The following RGS6 variants were observed in gnomAD, a reference collection of about 807,000 sequenced individuals.
The protein encoded by RGS6 is regulator of G-protein signaling 6.
A neutral mutation model predicts 78.5 loss-of-function variants in RGS6; 30 were observed. The observed-to-expected ratio is 0.38, with a 90% CI of 0.29 to 0.52. The LOEUF (loss-of-function observed/expected upper bound fraction) is 0.52, where lower values mean the gene tolerates loss of function less well. Among genes scored for constraint, RGS6 ranks in the 20% least tolerant of loss-of-function variants. The pLI is 0.85. For missense variants in RGS6, 495 were observed against 609.7 expected (o/e 0.81, Z 1.98); for synonymous variants, 206 against 206.0 (o/e 1.00, Z 0.00).
intron 2 of RGS6, among the ~76,000 whole-genome samples, chr14:72,073,832 C>G (rs940048660): frequency 3.3e-5 from 5 of 151,874 alleles, no homozygotes; most frequent in Non-Finnish European, 7.4e-5. Flanking sequence ...ACAAAATAGT[C>G]CTTTACTGTG....
At chr14:72,187,963 CCTCATA>C (rs760786976) in intron 2 of RGS6, among the ~76,000 whole-genome samples, 19 of 152,146 alleles carry the variant, frequency 1.2e-4, no homozygotes, top group Non-Finnish European at 2.6e-4. Flanking sequence ...TTGTTTCAGC[CCTCATA>C]CTGTAAACAA....
At chr14:72,598,482 A>G in the RGS6 span, among the ~76,000 whole-genome samples, 1 of 152,236 alleles carries the variant, frequency 6.6e-6, no homozygotes, top group African/African-American at 2.4e-5. Context: ...CCAGGCATCC[A>G]TTTGCATATA....
At chr14:71,953,024 A>T (rs1014236371) in intron 1 of RGS6, among the ~76,000 whole-genome samples, 1 of 152,190 alleles carries the variant, frequency 6.6e-6, no homozygotes, top group Admixed American at 6.5e-5. Context: ...ACAATCTTTC[A>T]TGCGAAATAA....
chr14:72,239,153 ACGGT>A (rs375075040), intron 2 of RGS6, among the ~76,000 whole-genome samples: 83 of 152,302 alleles, frequency 5.4e-4, no homozygotes, highest in Middle Eastern at 3.4e-3. Context: ...GCCCCGTTTA[ACGGT>A]GATGCTAGGA....
At chr14:72,070,965 T>G (rs1363810839) in intron 2 of RGS6, among the ~76,000 whole-genome samples, 1 of 152,232 alleles carries the variant, frequency 6.6e-6, no homozygotes, top group African/African-American at 2.4e-5. Flanking sequence ...TGCATTTAAA[T>G]AAAACATTTA....
At chr14:72,077,787 T>G (rs1379315885) in intron 2 of RGS6, among the ~76,000 whole-genome samples, 1 of 152,184 alleles carries the variant, frequency 6.6e-6, no homozygotes, top group Non-Finnish European at 1.5e-5. Context: ...TCACGTAAAG[T>G]TTCAAGAAAA....
chr14:72,002,231 A>C (rs1205103986), intron 2 of RGS6, among the ~76,000 whole-genome samples: 2 of 152,094 alleles, frequency 1.3e-5, no homozygotes, highest in Non-Finnish European at 2.9e-5. Context: ...ATTGAGAGAT[A>C]GGCACCCCAA....
At chr14:72,198,645 T>C (rs2040768570) in intron 2 of RGS6, among the ~76,000 whole-genome samples, 1 of 152,218 alleles carries the variant, frequency 6.6e-6, no homozygotes, top group African/African-American at 2.4e-5. Context: ...GAAAGGACCT[T>C]GAAGTTCAGC....
chr14:72,526,256 A>G (rs61192266), intron 15 of RGS6, among the ~76,000 whole-genome samples: 6,304 of 144,906 alleles, frequency 0.044, 329 homozygotes, highest in African/African-American at 0.13. Context: ...GGTACCTGCC[A>G]CCACGCCCAG....
At chr14:72,256,367 A>G (rs1009496463) in intron 2 of RGS6, among the ~76,000 whole-genome samples, 5 of 152,174 alleles carry the variant, frequency 3.3e-5, no homozygotes, top group Non-Finnish European at 5.9e-5. Context: ...AAAAGTCTGA[A>G]AAATATCTCA....
chr14:72,072,960 G>C (rs572689421), intron 2 of RGS6, among the ~76,000 whole-genome samples: 4 of 152,130 alleles, frequency 2.6e-5, no homozygotes, highest in African/African-American at 4.8e-5. Context: ...GATTTATCTC[G>C]TCTGGGGCAC....
chr14:71,897,335 C>T, the RGS6 span, among the ~76,000 whole-genome samples: 3 of 152,260 alleles, frequency 2.0e-5, no homozygotes, highest in East Asian at 1.9e-4. Context: ...TCTCTCCAAG[C>T]TTTGATTTCC....
chr14:72,488,136 T>G (rs1033222649), intron 12 of RGS6, among the ~76,000 whole-genome samples: 4 of 152,244 alleles, frequency 2.6e-5, no homozygotes, highest in African/African-American at 9.6e-5. Flanking sequence ...TTCCCTCTTC[T>G]AATACAATAA....
At chr14:72,589,425 C>CTGTA in the RGS6 span, among the ~76,000 whole-genome samples, 3 of 152,200 alleles carry the variant, frequency 2.0e-5, no homozygotes, top group African/African-American at 7.2e-5. Context: ...TGGCACACAC[C>CTGTA]TGTAATCCCA....
At chr14:72,421,503 C>CG (rs776904048) in intron 3 of RGS6, 10 of 152,232 alleles carry the variant, frequency 6.6e-5, no homozygotes, top group Admixed American at 3.3e-4. Flanking sequence ...CTCCCCACCC[C>CG]AGGCTGACCT....
intron 2 of RGS6, among the ~76,000 whole-genome samples, chr14:72,332,981 G>A (rs1344150077): frequency 6.6e-6 from 1 of 152,194 alleles, no homozygotes; most frequent in Non-Finnish European, 1.5e-5. Context: ...GTCAGGGGCA[G>A]GGCTGAATTT....
chr14:72,383,565 C>A (rs943027157), intron 3 of RGS6, among the ~76,000 whole-genome samples: 1 of 152,148 alleles, frequency 6.6e-6, no homozygotes, highest in Non-Finnish European at 1.5e-5. Context: ...TGCTTATTAA[C>A]AGGCATAAAC....
intron 1 of RGS6, among the ~76,000 whole-genome samples, chr14:71,937,032 T>C (rs1294112830): frequency 1.3e-5 from 2 of 152,198 alleles, no homozygotes; most frequent in Non-Finnish European, 2.9e-5. Context: ...TTGACCTTAA[T>C]CACAGGGCAT....
downstream of RGS6, among the ~76,000 whole-genome samples, chr14:72,570,756 CA>C (rs1198401513): frequency 6.6e-6 from 1 of 152,196 alleles, no homozygotes; most frequent in African/African-American, 2.4e-5. Flanking sequence ...GGAGATGACC[CA>C]GGGGTCCCCT....
Sources: allele counts gnomAD v4.1 joint callset (sites outside exome capture counted in the v4.1 genomes callset), GRCh38; gene constraint gnomAD v4.1.1; transcripts MANE v1.5; gene names NCBI Gene and HGNC (gene_info 2026-07-23, HGNC 2026-07-21).